MYOM3: variants seen among roughly 807,000 people sequenced by gnomAD.
MYOM3 encodes the protein myomesin 3.
A neutral mutation model predicts 191.7 loss-of-function variants in MYOM3; 155 were observed. That is an observed-to-expected ratio of 0.81 (90% CI 0.71 to 0.92). The LOEUF (loss-of-function observed/expected upper bound fraction) is 0.92. Ranked by LOEUF, MYOM3 falls within the 40% of genes least tolerant of loss-of-function variation. The probability of loss-of-function intolerance (pLI) is 0.00; values close to 1 mark genes in which losing one functional copy is unlikely to be tolerated. For missense variants in MYOM3, 1,889 were observed against 1,890.6 expected (o/e 1.00, Z 0.02); for synonymous variants, 757 against 762.9 (o/e 0.99, Z 0.13).
intron 19 of MYOM3, 79 bp downstream of exon 19, chr1:24,081,251 C>A (rs553810678): frequency 3.8e-6 from 6 of 1,566,478 alleles, no homozygotes; most frequent in Non-Finnish European, 5.2e-6. Context: ...TAGAGGAGAG[C>A]GGCAACCTTC....
At position 24,097,958 on chromosome 1, in the gene MYOM3, CCGTGGGCGTTCTTCA is replaced by C; in HGVS notation, c.695_709del (p.Val232_His236del). On this transcript the variant is annotated inframe_deletion, in exon 7 of 37. Transcript: ENST00000374434. Reference sequence around the variant, plus strand: ...GACTTTGGCGAAGGAGGAGGCCTGGCCGTGGGCGTTCTTCACTCGCACAGTGTAAGTTGCTGAGTC... The same window carrying C: ...GACTTTGGCGAAGGAGGAGGCCTGGCCTCGCACAGTGTAAGTTGCTGAGTC... 6.2e-7 allele frequency: 1 copy of C among 1,613,958 alleles called. No homozygotes were observed.
At chr1:24,107,804 C>T (rs568043941) in intron 3 of MYOM3, among the ~76,000 whole-genome samples, 189 bp downstream of exon 3, 1 of 152,362 alleles carries the variant, frequency 6.6e-6, no homozygotes, top group East Asian at 1.9e-4. Flanking sequence ...GTGCACCCTT[C>T]CAGAGGGTGG....
At chr1:24,067,400 TTCCTTCCTTCCTTCC>T (rs1643461719) in intron 27 of MYOM3, among the ~76,000 whole-genome samples, 1 of 45,804 alleles carries the variant, frequency 2.2e-5, no homozygotes, top group African/African-American at 1.2e-4. Context: ...CCTTCCTTCC[TTCCTTCCTTCCTTCC>T]TTCCTTCCTT....
At chr1:24,086,091 G>T (rs1643735078) in intron 15 of MYOM3, among the ~76,000 whole-genome samples, 3 of 152,220 alleles carry the variant, frequency 2.0e-5, no homozygotes, top group Admixed American at 6.5e-5. Context: ...TGCAGTTGCA[G>T]TTGGGAGACT....
chr1:24,087,957 G>C lies in MYOM3; in HGVS notation c.1615-1130C>G, dbSNP rs1422545242. 1.3e-5 allele frequency among the ~76,000 whole-genome samples: 2 copies of C among 152,172 alleles called. No individual in the cohort carries two copies. The highest frequency in any genetic ancestry group is 4.8e-5 in the African/African-American group (2 of 41,416). On this transcript the variant is annotated intron_variant, in intron 14 of 36. Transcript: ENST00000374434. The surrounding 1 kb of genome is among the most constrained non-coding windows in gnomAD (Gnocchi z 4.5). ...ATTTCTCTGCCGATGAGGAAAGTCA[G>C]GTTCAGAGAGTTTCGGTAACTTGGC...
In MYOM3 at chr1:24,065,980, T is replaced by C. The variant is rs375842773; in HGVS notation, c.3445A>G (p.Thr1149Ala). ...TCKVTNTKKETRFQWFFQRAE... is the reference protein window; with the variant it reads ...TCKVTNTKKEARFQWFFQRAE... ...CTCTGGAAGAACCACTGAAAGCGAG[T>C]CTCCTTCTTGGTGTTGGTCACCTGG... The change falls in exon 29 of 37, where the codon ACT (threonine) becomes GCT (alanine). Residue 1149 changes from threonine (T) to alanine (A), a missense_variant. Transcript: ENST00000374434. 7 of 1,613,752 alleles carry C rather than the reference T, an allele frequency of 4.3e-6. No individual in the cohort carries two copies. The highest frequency in any genetic ancestry group is 5.1e-6 in the Non-Finnish European group (6 of 1,179,748).
At chr1:24,066,450 A>G (rs1643435484) in intron 28 of MYOM3, 2 of 569,064 alleles carry the variant, frequency 3.5e-6, no homozygotes, top group Non-Finnish European at 6.2e-6. Context: ...TACTGAATGA[A>G]TATGCTTCTG....
Position 24,082,677 on chromosome 1 carries a change from CG to C in MYOM3, c.2007del (p.Tyr669Ter), listed in dbSNP as rs1557609173. ...TVPGLRTGKE[Y>X]EFCVRSVSEA... ...TCGCTGACTGACCTGACACAAAACT[CG>C]TACTCCTTCCCCGTCCTCAGCCCGG... On this transcript the variant is annotated frameshift_variant, in exon 17 of 37. Coordinates refer to ENST00000374434, the MANE Select transcript of MYOM3 (RefSeq NM_152372.4). LOFTEE classifies it high-confidence loss of function. The C allele has an allele frequency of 3.7e-6, 6 of 1,611,992 alleles. No individual in the cohort carries two copies. The highest frequency in any genetic ancestry group is 5.1e-6 in the Non-Finnish European group (6 of 1,179,236).
intron 28 of MYOM3, 22 bp downstream of exon 28, chr1:24,066,999 G>A (rs1408748240): frequency 1.8e-5 from 28 of 1,554,562 alleles, no homozygotes; most frequent in Non-Finnish European, 2.4e-5. Flanking sequence ...TGGGCCTGGG[G>A]GCAGGGCAGG....
intron 18 of MYOM3, chr1:24,081,750 A>G (rs1570869351): frequency 1.7e-6 from 1 of 588,544 alleles, no homozygotes; most frequent in Non-Finnish European, 3.0e-6. Flanking sequence ...TTTTGTCAAG[A>G]CAGGGTTTTG....
At chr1:24,088,557 T>G (rs4378147) in intron 14 of MYOM3, among the ~76,000 whole-genome samples, 2 of 151,994 alleles carry the variant, frequency 1.3e-5, no homozygotes, top group Non-Finnish European at 2.9e-5. Flanking sequence ...ACTACCACCT[T>G]GTGAAACAAA....
chr1:24,060,982 C>G, intron 35 of MYOM3, 78 bp downstream of exon 35: 1 of 1,553,280 alleles, frequency 6.4e-7, no homozygotes, highest in Non-Finnish European at 8.9e-7. Flanking sequence ...CCTTCAGCAG[C>G]CCACCAAGAG....
intron 14 of MYOM3, among the ~76,000 whole-genome samples, chr1:24,089,048 C>T (rs994027631): frequency 6.6e-6 from 1 of 152,200 alleles, no homozygotes; most frequent in African/African-American, 2.4e-5. Context: ...CCTGCCTCAT[C>T]CCCGCCGGGG....
At chr1:24,095,923 G>A (rs1049683634) in intron 7 of MYOM3, among the ~76,000 whole-genome samples, 1 of 152,146 alleles carries the variant, frequency 6.6e-6, no homozygotes, top group Non-Finnish European at 1.5e-5. Context: ...CCAAGGTAAT[G>A]TTGCCACAGA....
intron 5 of MYOM3, among the ~76,000 whole-genome samples, chr1:24,102,836 C>CCAGG (rs1207060625): frequency 6.6e-5 from 10 of 152,166 alleles, no homozygotes; most frequent in Non-Finnish European, 1.5e-4. Flanking sequence ...CAGAGTGAGA[C>CCAGG]CTTATTTCTA....
In MYOM3 at chr1:24,106,051, C is replaced by T. The variant is rs1462952295; in HGVS notation, c.429G>A (p.Lys143=). The change falls in exon 5 of 37, where the codon AAG becomes AAA. Residue 143 remains lysine (K), a synonymous_variant. Transcript: ENST00000374434. ...RRTEEKVQEA[K]ELRELCYGRG... ...GGCCGTAGCACAGCTCCCTCAGCTC[C>T]TTGGCCTCCTGGACCTTCTCCTCTG... The T allele has an allele frequency of 3.7e-6, 6 of 1,613,108 alleles. No homozygotes were observed. The African/African-American group carries it at 6.7e-5, about 18-fold the overall frequency.
intron 20 of MYOM3, among the ~76,000 whole-genome samples, 171 bp from the exon 21 acceptor site, chr1:24,076,444 A>G (rs1048288365): frequency 6.7e-6 from 1 of 149,634 alleles, no homozygotes; most frequent in African/African-American, 2.5e-5. Flanking sequence ...TGTCTTTGCC[A>G]TTCTTTTCTT....
chr1:24,106,801 T>G (rs1450794447), intron 4 of MYOM3, among the ~76,000 whole-genome samples: 2 of 152,114 alleles, frequency 1.3e-5, no homozygotes, highest in Non-Finnish European at 2.9e-5. Context: ...ACTCCTGACC[T>G]CAGGTGATCC....
intron 10 of MYOM3, 104 bp downstream of exon 10, chr1:24,092,843 G>T: frequency 1.7e-6 from 2 of 1,147,520 alleles, no homozygotes; most frequent in Non-Finnish European, 1.2e-6. Context: ...AGAAATTGAG[G>T]CCCCAAGAGA....
Sources: allele counts gnomAD v4.1 joint callset (sites outside exome capture counted in the v4.1 genomes callset), GRCh38; gene constraint gnomAD v4.1.1; non-coding constraint Gnocchi (gnomAD v3.1); transcripts MANE v1.5; gene names NCBI Gene and HGNC (gene_info 2026-07-23, HGNC 2026-07-21).